SH2D3C: variants seen among roughly 807,000 people sequenced by gnomAD.
The protein encoded by SH2D3C is SH2 domain containing 3C.
SH2D3C carries 25 observed loss-of-function variants against 75.2 expected under a neutral mutation model. The observed-to-expected ratio is 0.33, with a 90% CI of 0.24 to 0.46. The LOEUF (loss-of-function observed/expected upper bound fraction) is 0.46. Ranked by LOEUF, SH2D3C falls within the 20% of genes least tolerant of loss-of-function variation. SH2D3C has a pLI of 1.00. For missense variants in SH2D3C, 933 were observed against 1,165.3 expected (o/e 0.80, Z 2.90); for synonymous variants, 450 against 473.7 (o/e 0.95, Z 0.65).
At chr9:127,755,013 G>A in intron 3 of SH2D3C, 1 of 768,034 alleles carries the variant, frequency 1.3e-6, no homozygotes, top group Non-Finnish European at 1.7e-6. Flanking sequence ...TGGCTCTAGG[G>A]CCCCGGGCGG....
rs1244677675 is a variant in SH2D3C at position 127,754,962 on chromosome 9, G to GCCCGA, written c.556-3667_556-3663dup. On this transcript the variant is annotated intron_variant, in intron 3 of 11. Transcript: ENST00000314830. The surrounding 1 kb of genome is among the most constrained non-coding windows in gnomAD (Gnocchi z 4.4). Reference sequence around the variant, plus strand: ...CCCCGGGTCGGCCGGGCCCAGCCCAGCCCGACCCTGCCGGGCGCCGCTGAG... The same window carrying GCCCGA: ...CCCCGGGTCGGCCGGGCCCAGCCCAGCCCGACCCGACCCTGCCGGGCGCCGCTGAG... 6 of 513,796 alleles carry GCCCGA rather than the reference G, an allele frequency of 1.2e-5. No individual in the cohort carries two copies. Among genetic ancestry groups the GCCCGA allele is most frequent in the East Asian group, 7.0e-5 (1 of 14,260 alleles). The allele number at this position is 513,796 out of a possible 1,614,324, so 31.8% of individuals were successfully genotyped here.
chr9:127,771,596 T>C (rs1845741096), intron 2 of SH2D3C, among the ~76,000 whole-genome samples: 1 of 151,918 alleles, frequency 6.6e-6, no homozygotes, highest in South Asian at 2.1e-4. Flanking sequence ...GCCACGCCCC[T>C]AGACACGCCC....
chr9:127,745,639 CT>C (rs890148260), intron 6 of SH2D3C, among the ~76,000 whole-genome samples: 169 of 150,414 alleles, frequency 1.1e-3, no homozygotes, highest in Admixed American at 1.9e-3. Context: ...GCCTGGCTAA[CT>C]TTTTTTTGAG....
chr9:127,775,893 A>G (rs1035771385), intron 1 of SH2D3C, among the ~76,000 whole-genome samples: 3 of 151,386 alleles, frequency 2.0e-5, no homozygotes, highest in African/African-American at 4.8e-5. Flanking sequence ...CAGTGGTGCA[A>G]TCCTGGCTCA....
chr9:127,755,444 G>A, intron 3 of SH2D3C: 1 of 256,784 alleles, frequency 3.9e-6, no homozygotes, highest in Non-Finnish European at 7.4e-6. Context: ...CTGGAGCTGC[G>A]GGCGCGGAGC....
At chr9:127,748,825 C>G (rs1845110468) in intron 5 of SH2D3C, among the ~76,000 whole-genome samples, 1 of 152,200 alleles carries the variant, frequency 6.6e-6, no homozygotes, top group Non-Finnish European at 1.5e-5. Context: ...CTTGGCCTAG[C>G]TGGGTAGGAT....
chr9:127,770,291 C>T (rs965472213), intron 2 of SH2D3C, among the ~76,000 whole-genome samples: 35 of 152,132 alleles, frequency 2.3e-4, no homozygotes, highest in Admixed American at 1.8e-3. Context: ...CCTGTCTCCC[C>T]GGGGTGGGGG....
Position 127,749,609 on chromosome 9 carries a change from GGTGA to G in SH2D3C, c.737_740del (p.Leu246ProfsTer26). On this transcript the variant is annotated frameshift_variant, in exon 5 of 12. Transcript: ENST00000314830. LOFTEE classifies it high-confidence loss of function. This position sits in a 1 kb window ranked among gnomAD's most constrained non-coding sequence, Gnocchi z 5.9. ...ACGTGAGCACATAGTCGCCCAGGCT[GGTGA>G]GTGAGTCCCGGATGAGGAAGTCGCC... 2 of 1,594,952 alleles carry G rather than the reference GGTGA, an allele frequency of 1.3e-6. No individual in the cohort carries two copies. Among genetic ancestry groups the G allele is most frequent in the Non-Finnish European group, 1.7e-6 (2 of 1,171,534 alleles).
intron 3 of SH2D3C, among the ~76,000 whole-genome samples, chr9:127,760,529 C>T (rs1845501128): frequency 1.3e-5 from 2 of 151,956 alleles, no homozygotes; most frequent in African/African-American, 2.4e-5. Context: ...ACCACCATGG[C>T]ATGTATATAC....
rs1845280018 is a variant in SH2D3C, at chr9:127,754,042, G to A, written c.556-2742C>T. On this transcript the variant is annotated intron_variant, in intron 3 of 11. Transcript: ENST00000314830. This position sits in a 1 kb window ranked among gnomAD's most constrained non-coding sequence, Gnocchi z 4.4. The stretch of plus-strand genomic sequence containing the variant: ...ACCAACTTGGTCCTCCCACACACCT[G>A]AGGGTGAGGAATCCTAGGGTCCCTG... Among the ~76,000 whole-genome samples, 1 of 152,170 alleles carries A rather than the reference G, an allele frequency of 6.6e-6. No homozygotes were observed. Among genetic ancestry groups the A allele is most frequent in the African/African-American group, 2.4e-5 (1 of 41,446 alleles).
Position 127,751,658 on chromosome 9 carries a change from T to C in SH2D3C, c.556-358A>G, listed in dbSNP as rs995630124. ...CGCTGGACAGCGGCAAAGAGCCGGGTGGCTTTTACAAGCGGGATTAAGCCT... is the reference window on the plus strand; with the variant it reads ...CGCTGGACAGCGGCAAAGAGCCGGGCGGCTTTTACAAGCGGGATTAAGCCT... On this transcript the variant is annotated intron_variant, in intron 3 of 11. Coordinates refer to ENST00000314830, the MANE Select transcript of SH2D3C (RefSeq NM_170600.3). The surrounding 1 kb of genome is among the most constrained non-coding windows in gnomAD (Gnocchi z 4.1). 1.3e-5 allele frequency among the ~76,000 whole-genome samples: 2 copies of C among 152,080 alleles called. No homozygotes were observed. Among genetic ancestry groups the C allele is most frequent in the Non-Finnish European group, 2.9e-5 (2 of 68,026 alleles).
intron 3 of SH2D3C, among the ~76,000 whole-genome samples, chr9:127,753,112 G>A (rs927511687): frequency 1.3e-5 from 2 of 152,126 alleles, no homozygotes; most frequent in Non-Finnish European, 2.9e-5. Flanking sequence ...GGTGTGGCAC[G>A]GCTGCCTCAG....
intron 3 of SH2D3C, among the ~76,000 whole-genome samples, chr9:127,759,609 G>A (rs527867086): frequency 2.0e-5 from 3 of 152,322 alleles, no homozygotes; most frequent in African/African-American, 7.2e-5. Flanking sequence ...AGCACTTTGG[G>A]AGGCTGAGGC....
At chr9:127,770,181 C>T (rs1389960012) in intron 2 of SH2D3C, among the ~76,000 whole-genome samples, 1 of 152,104 alleles carries the variant, frequency 6.6e-6, no homozygotes, top group African/African-American at 2.4e-5. Context: ...TCCCTCCTCC[C>T]TCCTTCCTCT....
rs755314918 is a variant in SH2D3C at position 127,747,210 on chromosome 9, G to C, written c.1201C>G (p.Pro401Ala). The change falls in exon 6 of 12, where the codon CCA (proline) becomes GCA (alanine). Residue 401 changes from proline to alanine, a missense_variant. Coordinates refer to ENST00000314830, the MANE Select transcript of SH2D3C (RefSeq NM_170600.3). ...RSCALSMDQI[P>A]DLHSPMSPIS... ...GGCGACATGGGTGAGTGCAGGTCTG[G>C]GATCTGGTCCATGCTGAGGGCACAG... 1.2e-6 allele frequency: 2 copies of C among 1,613,900 alleles called. No individual in the cohort carries two copies. Among genetic ancestry groups the C allele is most frequent in the African/African-American group, 2.7e-5 (2 of 74,926 alleles).
At chr9:127,744,076 T>TC in intron 7 of SH2D3C, among the ~76,000 whole-genome samples, 1 of 148,366 alleles carries the variant, frequency 6.7e-6, no homozygotes, top group East Asian at 2.0e-4. Flanking sequence ...TATGTGCTTT[T>TC]TTTTTTTTTT....
Position 127,745,015 on chromosome 9 carries a change from T to A in SH2D3C, c.1349A>T (p.Gln450Leu), listed in dbSNP as rs1844982154. The change falls in exon 7 of 12, where the codon CAG becomes CTG. Residue 450 changes from glutamine to leucine, a missense_variant. Gln to Leu is a moderately radical substitution (Grantham distance 113). Coordinates refer to ENST00000314830, the MANE Select transcript of SH2D3C (RefSeq NM_170600.3). Reference sequence around the variant, plus strand: ...CTTTGGGGCACTTCCGGGACACAGCTGGGGCTCACTGGAACGGCGGGCGAC... The same window carrying A: ...CTTTGGGGCACTTCCGGGACACAGCAGGGGCTCACTGGAACGGCGGGCGAC... ...SPVARRSSEP[Q>L]LCPGSAPKTH... The A allele has an allele frequency of 6.6e-7, 1 of 1,514,858 alleles. No homozygotes were observed. The allele number at this position is 1,514,858 out of a possible 1,614,324, so 93.8% of individuals were successfully genotyped here. A position where few individuals can be genotyped will look rare whatever the true frequency, so the allele number is the denominator to read the frequency against.
chr9:127,778,601 G>A lies in SH2D3C; in HGVS notation c.27C>T (p.Ser9=), dbSNP rs1257208177. The change falls in exon 1 of 12, where the codon AGC becomes AGT. Residue 9 remains serine, a synonymous_variant. Transcript: ENST00000314830. The part of the protein sequence containing the change: MTEGTKKT[S]KKFKFFKFKG... The stretch of plus-strand genomic sequence containing the variant: ...GCACCCCACACTCACTGAACTTTTT[G>A]CTGGTCTTCTTGGTCCCCTCTGTCA... 6.2e-7 allele frequency: 1 copy of A among 1,613,784 alleles called. No individual in the cohort carries two copies. The highest frequency in any genetic ancestry group is 8.5e-7 in the Non-Finnish European group (1 of 1,179,678).
At chr9:127,775,083 C>T (rs1466241824) in intron 1 of SH2D3C, among the ~76,000 whole-genome samples, 1 of 151,866 alleles carries the variant, frequency 6.6e-6, no homozygotes, top group African/African-American at 2.4e-5. Flanking sequence ...AGCAAAACTC[C>T]GTCTCAAAAT....
Sources: allele counts gnomAD v4.1 joint callset (sites outside exome capture counted in the v4.1 genomes callset), GRCh38; gene constraint gnomAD v4.1.1; non-coding constraint Gnocchi (gnomAD v3.1); transcripts MANE v1.5; gene names NCBI Gene and HGNC (gene_info 2026-07-23, HGNC 2026-07-21).